SPOCK3: variants seen among roughly 807,000 people sequenced by gnomAD.
SPOCK3 encodes the protein SPARC (osteonectin), cwcv and kazal like domains proteoglycan 3, also known as testican-3.
Under a neutral mutation model 56.6 loss-of-function variants are expected in SPOCK3, and 30 were observed. That is an observed-to-expected ratio of 0.53 (90% CI 0.40 to 0.72). The LOEUF (loss-of-function observed/expected upper bound fraction) is 0.72. Ranked by LOEUF, SPOCK3 falls within the 30% of genes least tolerant of loss-of-function variation. The pLI is 0.00. For missense variants in SPOCK3, 527 were observed against 530.0 expected, an observed-to-expected ratio of 0.99 and a Z score of 0.06; for synonymous variants, 196 against 183.3, an observed-to-expected ratio of 1.07 and a Z score of -0.56.
rs1759068407 is a variant in SPOCK3 at position 167,095,445 on chromosome 4, TCCTA to T, written c.190-32912_190-32909del. Among the ~76,000 whole-genome samples the T allele has an allele frequency of 2.0e-5, 3 of 152,018 alleles. No homozygotes were observed. In the Middle Eastern group the frequency reaches 0.01, roughly 517 times the overall value. ...ATATTGTATTCTATTCTCTGACTAA[TCCTA>T]AGGCAAGCAGTAGAAACAAATTACA... is the stretch of plus-strand genomic sequence containing the variant. On this transcript the variant is annotated intron_variant, in intron 2 of 10. Coordinates refer to ENST00000357545, the MANE Select transcript of SPOCK3 (RefSeq NM_001040159.2).
intron 6 of SPOCK3, among the ~76,000 whole-genome samples, chr4:166,825,577 A>T (rs1294006792): frequency 6.6e-6 from 1 of 152,102 alleles, no homozygotes; most frequent in Non-Finnish European, 1.5e-5. Context: ...TGAAAAAGAC[A>T]CCTGCACATT....
At chr4:167,082,559 C>A (rs998826465) in intron 2 of SPOCK3, among the ~76,000 whole-genome samples, 2 of 151,868 alleles carry the variant, frequency 1.3e-5, no homozygotes, top group African/African-American at 4.8e-5. Context: ...TACGAGCAGG[C>A]AATATGACTG....
At chr4:167,192,908 C>T (rs1237859998) in intron 2 of SPOCK3, among the ~76,000 whole-genome samples, 1 of 145,260 alleles carries the variant, frequency 6.9e-6, no homozygotes, top group Non-Finnish European at 1.5e-5. Flanking sequence ...TGTGCATTTC[C>T]CAATGTTCTG....
intron 4 of SPOCK3, among the ~76,000 whole-genome samples, chr4:166,995,479 A>G (rs1485643566): frequency 6.6e-6 from 1 of 152,108 alleles, no homozygotes; most frequent in African/African-American, 2.4e-5. Flanking sequence ...ATCTGTTCAT[A>G]TACATAAAAT....
chr4:166,948,485 G>A (rs1217705944), intron 4 of SPOCK3, among the ~76,000 whole-genome samples: 4 of 152,050 alleles, frequency 2.6e-5, no homozygotes, highest in African/African-American at 4.8e-5. Flanking sequence ...TACCAACAGT[G>A]TGTTAGAGAT....
chr4:166,905,277 C>T (rs1485947135), intron 5 of SPOCK3, among the ~76,000 whole-genome samples: 1 of 151,814 alleles, frequency 6.6e-6, no homozygotes, highest in East Asian at 1.9e-4. Flanking sequence ...ACATGTTCTA[C>T]ATAGTTTAGG....
intron 6 of SPOCK3, among the ~76,000 whole-genome samples, chr4:166,815,611 T>C (rs1744301638): frequency 6.6e-6 from 1 of 151,920 alleles, no homozygotes; most frequent in South Asian, 2.1e-4. Flanking sequence ...AGACTCTCTC[T>C]CTACCAAAAA....
At chr4:166,971,425 T>C (rs1248987543) in intron 4 of SPOCK3, among the ~76,000 whole-genome samples, 2 of 151,076 alleles carry the variant, frequency 1.3e-5, no homozygotes, top group African/African-American at 4.8e-5. Flanking sequence ...GATTACTTGA[T>C]ATTTTGTACT....
chr4:167,230,144 T>A lies in SPOCK3; in HGVS notation c.189+3841A>T, dbSNP rs998482814. On this transcript the variant is annotated intron_variant, in intron 2 of 10. Transcript: ENST00000357545. Reference sequence around the variant, plus strand: ...TTTATCTTTTTTTGTCATTCCTAATTAATTTATGTATTTCAGTGAAATCAA... The same window carrying A: ...TTTATCTTTTTTTGTCATTCCTAATAAATTTATGTATTTCAGTGAAATCAA... 2.0e-5 allele frequency among the ~76,000 whole-genome samples: 3 copies of A among 151,470 alleles called. No homozygotes were observed. In the Admixed American group the frequency reaches 2.0e-4, roughly 10 times the overall value.
At chr4:166,973,837 A>T (rs924457766) in intron 4 of SPOCK3, among the ~76,000 whole-genome samples, 1 of 152,162 alleles carries the variant, frequency 6.6e-6, no homozygotes, top group Admixed American at 6.5e-5. Flanking sequence ...TTTTAAGGAA[A>T]ATAAAACAAC....
chr4:167,110,754 A>T (rs1760836158), intron 2 of SPOCK3, among the ~76,000 whole-genome samples: 1 of 152,098 alleles, frequency 6.6e-6, no homozygotes, highest in South Asian at 2.1e-4. Context: ...CCCAAATTCC[A>T]GGAAACTTTT....
At chr4:166,812,349 TAATC>T in intron 6 of SPOCK3, among the ~76,000 whole-genome samples, 1 of 151,962 alleles carries the variant, frequency 6.6e-6, no homozygotes, top group African/African-American at 2.4e-5. Context: ...ATTTAAACTA[TAATC>T]GGGCTTATAT....
At chr4:167,178,690 T>A (rs985364170) in intron 2 of SPOCK3, among the ~76,000 whole-genome samples, 9 of 152,128 alleles carry the variant, frequency 5.9e-5, no homozygotes, top group Non-Finnish European at 1.2e-4. Context: ...CAAAGAGATA[T>A]GATAATAACA....
At chr4:167,108,701 T>G (rs1221563393) in intron 2 of SPOCK3, among the ~76,000 whole-genome samples, 1 of 151,220 alleles carries the variant, frequency 6.6e-6, no homozygotes, top group Non-Finnish European at 1.5e-5. Flanking sequence ...GGTTAATGGG[T>G]AAAAACAGTA....
At chr4:166,956,066 G>C (rs888855648) in intron 4 of SPOCK3, among the ~76,000 whole-genome samples, 1 of 151,996 alleles carries the variant, frequency 6.6e-6, no homozygotes, top group South Asian at 2.1e-4. Context: ...CATTACTTTT[G>C]ATAACCATGA....
At position 167,191,762 on chromosome 4, in the gene SPOCK3, A is replaced by G. The variant is rs1187725724; in HGVS notation, c.189+42223T>C. On this transcript the variant is annotated intron_variant, in intron 2 of 10. Coordinates refer to ENST00000357545, the MANE Select transcript of SPOCK3 (RefSeq NM_001040159.2). Reference sequence around the variant, plus strand: ...ATTTAAATTCTTCAGTTCATATTTGAAAGTTTTACATTTCTTTTTCTTGTC... The same window carrying G: ...ATTTAAATTCTTCAGTTCATATTTGGAAGTTTTACATTTCTTTTTCTTGTC... Among the ~76,000 whole-genome samples, 3 of 145,396 alleles carry G rather than the reference A, an allele frequency of 2.1e-5. 1 individual carries two copies. The highest frequency in any genetic ancestry group is 4.1e-4 in the East Asian group (2 of 4,828).
intron 6 of SPOCK3, among the ~76,000 whole-genome samples, chr4:166,812,912 G>T (rs959427377): frequency 3.8e-4 from 57 of 151,900 alleles, no homozygotes; most frequent in Non-Finnish European, 7.2e-4. Context: ...CTTTTGGGGG[G>T]TTGGTGGGAG....
chr4:166,754,540 T>C lies in SPOCK3; in HGVS notation c.899A>G (p.Asn300Ser), dbSNP rs571754154. 3 of 1,613,480 alleles carry C rather than the reference T, an allele frequency of 1.9e-6. No homozygotes were observed. The highest frequency in any genetic ancestry group is 2.5e-6 in the Non-Finnish European group (3 of 1,179,606). The change falls in exon 8 of 11, where the codon AAT becomes AGT. Residue 300 changes from asparagine to serine, a missense_variant. Physicochemically the swap from Asn to Ser is conservative, Grantham distance 46. Coordinates refer to ENST00000357545, the MANE Select transcript of SPOCK3 (RefSeq NM_001040159.2). The stretch of plus-strand genomic sequence containing the variant: ...TCTCTGGAAGCAGTAGCACCACTCA[T>C]TATTAGATATTAAACTGTCCTTGTA... ...DTYKDSLISN[N>S]EWCYCFQRQQ... is the part of the protein sequence containing the mutation.
chr4:167,016,611 G>C (rs1189157018), intron 3 of SPOCK3, among the ~76,000 whole-genome samples: 2 of 151,504 alleles, frequency 1.3e-5, no homozygotes, highest in African/African-American at 4.9e-5. Context: ...CGCGATCTCA[G>C]CTCATTGCAA....
Sources: gnomAD v4.1 joint callset for allele counts (sites outside exome capture counted in the v4.1 genomes callset) on GRCh38, gnomAD v4.1.1 for gene constraint, MANE v1.5 for transcripts, NCBI Gene and HGNC (gene_info 2026-07-23, HGNC 2026-07-21) for gene names.